Variants in MADD observed in about 807,000 individuals in gnomAD.
The protein encoded by MADD is MAP kinase-activating death domain protein.
MADD carries 109 observed loss-of-function variants against 176.7 expected under a neutral mutation model. The ratio of observed to expected loss-of-function variants is 0.62; its 90% CI spans 0.53 to 0.72. The LOEUF (loss-of-function observed/expected upper bound fraction) is 0.72, where lower values mean the gene tolerates loss of function less well. Among genes scored for constraint, MADD ranks in the 30% least tolerant of loss-of-function variants. The pLI, the probability that MADD is intolerant of heterozygous loss-of-function variation, is 0.00. For synonymous variants in MADD, 771 were observed against 771.3 expected, an observed-to-expected ratio of 1.00 and a Z score of 0.01; for missense variants, 1,914 against 2,045.5, an observed-to-expected ratio of 0.94 and a Z score of 1.24.
intron 22 of MADD, among the ~76,000 whole-genome samples, chr11:47,296,764 GTTTTTTTTTT>G (rs753454831): frequency 1.7e-5 from 2 of 116,916 alleles, no homozygotes; most frequent in South Asian, 5.5e-4. Flanking sequence ...GTTTTTTGTT[GTTTTTTTTTT>G]TTTTTTTTTT....
chr11:47,275,648 G>T (rs1468734945), intron 3 of MADD, among the ~76,000 whole-genome samples: 2 of 152,232 alleles, frequency 1.3e-5, no homozygotes, highest in Non-Finnish European at 2.9e-5. Context: ...TTCCAAAATT[G>T]TGTTTGGAGT....
At chr11:47,305,064 G>A (rs2081500018) in intron 22 of MADD, among the ~76,000 whole-genome samples, 1 of 152,146 alleles carries the variant, frequency 6.6e-6, no homozygotes. Flanking sequence ...TAGAAGTGTG[G>A]CAGTGGCAGT....
chr11:47,292,441 C>A, intron 19 of MADD, 102 bp from the exon 21 acceptor site: 1 of 999,268 alleles, frequency 1.0e-6, no homozygotes, highest in Non-Finnish European at 1.6e-6. Flanking sequence ...TAATCCAGTG[C>A]CTGAGACTGA....
intron 4 of MADD, 24 bp from the exon 5 acceptor site, chr11:47,276,708 T>C (rs1565276626): frequency 6.2e-7 from 1 of 1,612,486 alleles, no homozygotes. Flanking sequence ...TTTGGAGTGA[T>C]TCTTACTGGA....
chr11:47,326,862 T>G, intron 31 of MADD, 55 bp downstream of exon 35: 1 of 1,609,872 alleles, frequency 6.2e-7, no homozygotes. Context: ...AACTCAAACC[T>G]CGGAGCTCCA....
intron 22 of MADD, 50 bp from the exon 25 acceptor site, chr11:47,308,541 C>A: frequency 7.1e-7 from 1 of 1,410,444 alleles, no homozygotes; most frequent in South Asian, 1.2e-5. Context: ...TTTCCTTTGT[C>A]TCTATTCATT....
Position 47,325,833 on chromosome 11 carries a change from C to A in MADD, c.4543-905C>A, listed in dbSNP as rs1249857174. Among the ~76,000 whole-genome samples, 1 of 152,232 alleles carries A rather than the reference C, an allele frequency of 6.6e-6. No individual in the cohort carries two copies. The highest frequency in any genetic ancestry group is 1.9e-4 in the East Asian group (1 of 5,202). On this transcript the variant is annotated intron_variant, in intron 30 of 32. Transcript: ENST00000402192. This position sits in a 1 kb window ranked among gnomAD's most constrained non-coding sequence, Gnocchi z 4.5. Reference sequence around the variant, plus strand: ...CCCTTGGCATAGCCCCACTGGGCAGCCATCCAAGCCAGTCTGTGGTTGAAG... The same window carrying A: ...CCCTTGGCATAGCCCCACTGGGCAGACATCCAAGCCAGTCTGTGGTTGAAG...
At chr11:47,327,421 A>T in intron 31 of MADD, 1 of 985,362 alleles carries the variant, frequency 1.0e-6, no homozygotes, top group Non-Finnish European at 1.2e-6. Flanking sequence ...CATCGCTGCT[A>T]TGAAAACCTT....
rs1268786020 is a variant in MADD, at chr11:47,305,848, T to G, written c.3643-2743T>G. 2.6e-5 allele frequency among the ~76,000 whole-genome samples: 4 copies of G among 152,138 alleles called. No homozygotes were observed. In the South Asian group the frequency reaches 8.3e-4, roughly 31 times the overall value. On this transcript the variant is annotated intron_variant, in intron 22 of 32. Transcript: ENST00000402192. ...ATCTCAGCTCAGCCACTGCTCTGTT[T>G]CCTGGGACATGGGGTACTGTGTCAG... is the stretch of plus-strand genomic sequence containing the variant.
chr11:47,276,064 G>C, exon 4 of MADD: 2 of 1,614,188 alleles, frequency 1.2e-6, no homozygotes, highest in Non-Finnish European at 1.7e-6. Flanking sequence ...TACCCCAAGA[G>C]CTCCAGCCAG....
intron 22 of MADD, among the ~76,000 whole-genome samples, chr11:47,306,767 A>G (rs2083046474): frequency 2.0e-5 from 3 of 152,282 alleles, no homozygotes; most frequent in South Asian, 4.1e-4. Flanking sequence ...TTTTGTTAAA[A>G]GTATAGCTGT....
At position 47,282,367 on chromosome 11, in the gene MADD, A is replaced by T. The variant is rs2057609398; in HGVS notation, c.1470-14A>T. 5 of 1,610,824 alleles carry T rather than the reference A, an allele frequency of 3.1e-6. No homozygotes were observed. The highest frequency in any genetic ancestry group is 4.2e-6 in the Non-Finnish European group (5 of 1,177,060). ...CCTATGGGTCTCAGATTATCTCATCATCTGCTTCCCCAGGGTTGCCATGGT... is the reference window on the plus strand; with the variant it reads ...CCTATGGGTCTCAGATTATCTCATCTTCTGCTTCCCCAGGGTTGCCATGGT... On this transcript the variant is annotated splice_polypyrimidine_tract_variant and intron_variant, in intron 8 of 32. Coordinates refer to ENST00000402192, the Ensembl canonical transcript of MADD.
chr11:47,314,182 C>T (rs1004592064), intron 26 of MADD, among the ~76,000 whole-genome samples: 2 of 151,068 alleles, frequency 1.3e-5, no homozygotes, highest in African/African-American at 2.4e-5. Context: ...TTGAGGCTGC[C>T]GTGAGCACCA....
In MADD at chr11:47,326,729, C is replaced by G. The variant is rs376737816; in HGVS notation, c.4543-9C>G. ...GGGCCTTACCCCGGCCTCCCTCCCT[C>G]TCTTGCAGGTTTTCATAGAGCTGAA... is the stretch of plus-strand genomic sequence containing the variant. On this transcript the variant is annotated splice_polypyrimidine_tract_variant and intron_variant, in intron 30 of 32. Transcript: ENST00000402192. 8.2e-5 allele frequency: 132 copies of G among 1,613,874 alleles called. No individual in the cohort carries two copies. Among genetic ancestry groups the G allele is most frequent in the Non-Finnish European group, 1.1e-4 (126 of 1,179,874 alleles).
rs769314640 is a variant in MADD at position 47,279,927 on chromosome 11, C to T, written c.1290+848C>T. Among the ~76,000 whole-genome samples, 9 of 151,958 alleles carry T rather than the reference C, an allele frequency of 5.9e-5. No individual in the cohort carries two copies. The East Asian group carries it at 9.8e-4, about 17-fold the overall frequency. ...CTCTACTAAAAATACAAAAATTAGC[C>T]GGGCATGGTGGTGGACGCCCGTAGT... On this transcript the variant is annotated intron_variant, in intron 7 of 32. Transcript: ENST00000402192.
rs761987077 is a variant in MADD at position 47,325,166 on chromosome 11, T to C, written c.4542+589T>C. On this transcript the variant is annotated intron_variant, in intron 30 of 32. Transcript: ENST00000402192. This position sits in a 1 kb window ranked among gnomAD's most constrained non-coding sequence, Gnocchi z 4.5. ...TGCTCCACAGGCCCCATTCCCTTTC[T>C]TTTGATTGGGGAGCACTTGTGGATA... The C allele has an allele frequency of 5.6e-6, 1 of 180,162 alleles. No individual in the cohort carries two copies. Among genetic ancestry groups the C allele is most frequent in the Non-Finnish European group, 1.2e-5 (1 of 86,052 alleles). 11.2% of individuals were successfully genotyped at this position (180,162 alleles called of 1,614,324 possible). A position where few individuals can be genotyped will look rare whatever the true frequency, so the allele number is the denominator to read the frequency against.
At chr11:47,309,658 C>A (rs2140861633) in intron 25 of MADD, 46 bp downstream of exon 28, 2 of 1,455,002 alleles carry the variant, frequency 1.4e-6, no homozygotes, top group Non-Finnish European at 1.9e-6. Context: ...CCTAGAGGGG[C>A]AAGGCTTGTT....
intron 15 of MADD, among the ~76,000 whole-genome samples, chr11:47,288,192 A>T (rs1470213514): frequency 6.6e-6 from 1 of 152,178 alleles, no homozygotes; most frequent in Non-Finnish European, 1.5e-5. Flanking sequence ...TGTTAGGCAG[A>T]GGCAGGAGGT....
chr11:47,316,097 A>G (rs1302612542), intron 27 of MADD, among the ~76,000 whole-genome samples: 1 of 151,994 alleles, frequency 6.6e-6, no homozygotes, highest in African/African-American at 2.4e-5. Context: ...CGACCTCCCA[A>G]AGTGCTGGGA....
Sources: allele counts gnomAD v4.1 joint callset (sites outside exome capture counted in the v4.1 genomes callset), GRCh38; gene constraint gnomAD v4.1.1; non-coding constraint Gnocchi (gnomAD v3.1); transcripts MANE v1.5; gene names NCBI Gene and HGNC (gene_info 2026-07-23, HGNC 2026-07-21).